Variants in CHIC2 observed in about 807,000 individuals in gnomAD.
The protein encoded by CHIC2 is cysteine rich hydrophobic domain 2, also known as cysteine-rich hydrophobic domain-containing protein 2.
CHIC2 carries 14 observed loss-of-function variants against 25.9 expected under a neutral mutation model. The ratio of observed to expected loss-of-function variants is 0.54; its 90% confidence interval spans 0.36 to 0.85. The LOEUF is 0.85. Ranked by LOEUF, CHIC2 falls within the 40% of genes least tolerant of loss-of-function variation. CHIC2 has a pLI of 0.01. For missense variants in CHIC2, 146 were observed against 202.0 expected, an observed-to-expected ratio of 0.72 and a Z score of 1.68; for synonymous variants, 70 against 72.0, an observed-to-expected ratio of 0.97 and a Z score of 0.14.
upstream of CHIC2, among the ~76,000 whole-genome samples, chr4:54,067,928 C>G (rs9993861): frequency 0.058 from 8,825 of 151,068 alleles, 869 homozygotes; most frequent in African/African-American, 0.2. Context: ...GTCCCCCCCC[C>G]CAAATTCATA....
the CHIC2 span, among the ~76,000 whole-genome samples, chr4:54,088,311 G>T: frequency 6.6e-6 from 1 of 151,268 alleles, no homozygotes; most frequent in African/African-American, 2.4e-5. Context: ...CATGGTTTTT[G>T]CATTTGAGTC....
intron 3 of CHIC2, among the ~76,000 whole-genome samples, chr4:54,025,953 A>C (rs1042039411): frequency 6.6e-6 from 1 of 152,070 alleles, no homozygotes; most frequent in African/African-American, 2.4e-5. Context: ...GAGAAACAAG[A>C]AGAGATAAGG....
At chr4:54,091,369 C>A in the CHIC2 span, among the ~76,000 whole-genome samples, 2 of 152,176 alleles carry the variant, frequency 1.3e-5, no homozygotes, top group Non-Finnish European at 2.9e-5. Flanking sequence ...GGAGGCGGGG[C>A]TCCAGGGGCC....
At chr4:54,076,422 G>C in the CHIC2 span, among the ~76,000 whole-genome samples, 1 of 152,164 alleles carries the variant, frequency 6.6e-6, no homozygotes, top group Non-Finnish European at 1.5e-5. Context: ...AGGGAGAAAA[G>C]ATAAATAAGA....
intron 3 of CHIC2, among the ~76,000 whole-genome samples, chr4:54,015,737 C>T (rs957687728): frequency 6.6e-6 from 1 of 152,124 alleles, no homozygotes; most frequent in African/African-American, 2.4e-5. Context: ...CTGAATGTCT[C>T]GTCAATGACT....
chr4:54,021,174 C>T (rs1326079903), intron 3 of CHIC2, among the ~76,000 whole-genome samples: 1 of 152,196 alleles, frequency 6.6e-6, no homozygotes, highest in African/African-American at 2.4e-5. Flanking sequence ...TGCAATACCG[C>T]TTGACCCCAA....
At chr4:54,013,726 A>T in intron 5 of CHIC2, 111 bp downstream of exon 5, 1 of 1,010,234 alleles carries the variant, frequency 9.9e-7, no homozygotes, top group Non-Finnish European at 1.5e-6. Flanking sequence ...TGCACTCAGG[A>T]GATTAAGCTC....
intron 3 of CHIC2, among the ~76,000 whole-genome samples, chr4:54,025,279 T>A (rs1716023816): frequency 6.6e-6 from 1 of 152,108 alleles, no homozygotes; most frequent in Non-Finnish European, 1.5e-5. Context: ...AACTGATCAA[T>A]GTACTTTGTA....
At chr4:54,074,149 T>G in the CHIC2 span, among the ~76,000 whole-genome samples, 1 of 151,996 alleles carries the variant, frequency 6.6e-6, no homozygotes, top group Non-Finnish European at 1.5e-5. Context: ...CAGTGAGAGA[T>G]TCCATCTCAA....
chr4:54,027,814 AG>A (rs1716107002), intron 3 of CHIC2, among the ~76,000 whole-genome samples: 1 of 152,236 alleles, frequency 6.6e-6, no homozygotes, highest in Admixed American at 6.5e-5. Context: ...TAATACTAGA[AG>A]AAAAATAACT....
At chr4:54,045,868 T>C (rs1716768496) in intron 3 of CHIC2, among the ~76,000 whole-genome samples, 1 of 151,634 alleles carries the variant, frequency 6.6e-6, no homozygotes, top group Admixed American at 6.6e-5. Context: ...TTGTCCCTGT[T>C]TGCAGATGAC....
At chr4:54,035,818 T>C (rs1716366247) in intron 3 of CHIC2, among the ~76,000 whole-genome samples, 1 of 152,204 alleles carries the variant, frequency 6.6e-6, no homozygotes, top group Admixed American at 6.5e-5. Context: ...TGAGGCTTTC[T>C]AGTGTAGACT....
intron 3 of CHIC2, among the ~76,000 whole-genome samples, chr4:54,040,674 G>A (rs1293215635): frequency 1.5e-5 from 2 of 135,020 alleles, no homozygotes; most frequent in African/African-American, 2.9e-5. Flanking sequence ...CTGCACTCCA[G>A]CCTGGGTGAT....
intron 3 of CHIC2, among the ~76,000 whole-genome samples, chr4:54,030,539 T>A (rs1182951335): frequency 3.2e-3 from 397 of 124,636 alleles, no homozygotes; most frequent in East Asian, 0.02. Context: ...AAAAAAAAAA[T>A]ATATATATAT....
chr4:54,013,695 C>T, intron 5 of CHIC2, 142 bp downstream of exon 5: 2 of 716,896 alleles, frequency 2.8e-6, no homozygotes, highest in Non-Finnish European at 4.7e-6. Context: ...AACCATGCAT[C>T]TGTGAACCGT....
chr4:54,077,497 T>C, the CHIC2 span, among the ~76,000 whole-genome samples: 1 of 152,224 alleles, frequency 6.6e-6, no homozygotes, highest in Non-Finnish European at 1.5e-5. Context: ...GTTCAATGGC[T>C]GAACTGGAAA....
At chr4:54,025,512 T>C (rs1006706850) in intron 3 of CHIC2, among the ~76,000 whole-genome samples, 1 of 152,180 alleles carries the variant, frequency 6.6e-6, no homozygotes, top group Non-Finnish European at 1.5e-5. Flanking sequence ...ACACAAAGCC[T>C]GTTTGGTGGT....
chr4:54,039,378 C>T (rs1716496482), intron 3 of CHIC2, among the ~76,000 whole-genome samples: 2 of 152,074 alleles, frequency 1.3e-5, no homozygotes, highest in African/African-American at 2.4e-5. Context: ...CAAAACTCAA[C>T]AAGAAATAAC....
intron 3 of CHIC2, among the ~76,000 whole-genome samples, chr4:54,038,100 C>A (rs1716448428): frequency 6.6e-6 from 1 of 152,090 alleles, no homozygotes; most frequent in Non-Finnish European, 1.5e-5. Context: ...GCTCTCATCA[C>A]TCCTATTCAG....
Sources: allele counts gnomAD v4.1 joint callset (sites outside exome capture counted in the v4.1 genomes callset), GRCh38; gene constraint gnomAD v4.1.1; transcripts MANE v1.5; gene names NCBI Gene and HGNC (gene_info 2026-07-23, HGNC 2026-07-21).